ICE2: variants seen among roughly 807,000 people sequenced by gnomAD.
The protein encoded by ICE2 is interactor of little elongation complex ELL subunit 2, also known as little elongation complex subunit 2.
Under a neutral mutation model 105.4 loss-of-function variants are expected in ICE2, and 87 were observed. The observed-to-expected ratio is 0.83, with a 90% CI of 0.69 to 0.99. The LOEUF (loss-of-function observed/expected upper bound fraction) is 0.99, where lower values mean the gene tolerates loss of function less well. ICE2 is among the 50% of genes least tolerant of loss of function. The pLI, the probability that ICE2 is intolerant of heterozygous loss-of-function variation, is 0.00. For synonymous variants in ICE2, 399 were observed against 392.0 expected (o/e 1.02, Z -0.21); for missense variants, 1,323 against 1,146.7 (o/e 1.15, Z -2.22).
At chr15:60,444,540 A>G (rs2141043666) in intron 11 of ICE2, among the ~76,000 whole-genome samples, 1 of 152,330 alleles carries the variant, frequency 6.6e-6, no homozygotes, top group East Asian at 1.9e-4. Context: ...AATTTTTCAC[A>G]TAAAGCACTT....
intron 9 of ICE2, chr15:60,451,066 T>C (rs1185787055): frequency 1.6e-6 from 1 of 624,126 alleles, no homozygotes; most frequent in East Asian, 1.4e-4. Context: ...AAATGCTAGT[T>C]TGAAAAAAGA....
At chr15:60,432,961 C>T (rs745592488) in intron 13 of ICE2, among the ~76,000 whole-genome samples, 9 of 151,950 alleles carry the variant, frequency 5.9e-5, no homozygotes, top group Admixed American at 1.3e-4. Context: ...GCTAATATGC[C>T]GAAGAGTTTG....
intron 9 of ICE2, chr15:60,451,860 A>G: frequency 5.1e-6 from 1 of 194,648 alleles, no homozygotes; most frequent in Non-Finnish European, 9.4e-6. Context: ...TAATCCAAGG[A>G]AAAAATGACC....
chr15:60,456,078 G>A (rs1054806477), intron 6 of ICE2, among the ~76,000 whole-genome samples: 1 of 151,896 alleles, frequency 6.6e-6, no homozygotes, highest in African/African-American at 2.4e-5. Flanking sequence ...CTTTCTGCTT[G>A]TATTCAGGGG....
intron 5 of ICE2, among the ~76,000 whole-genome samples, chr15:60,461,283 A>C (rs929077472): frequency 6.6e-6 from 1 of 152,192 alleles, no homozygotes; most frequent in African/African-American, 2.4e-5. Flanking sequence ...AATACATCAC[A>C]AACTGGAAGA....
rs1484528229 is a variant in ICE2 at position 60,456,810 on chromosome 15, T to C, written c.529-16A>G. On this transcript the variant is annotated splice_polypyrimidine_tract_variant and intron_variant, in intron 5 of 15. Transcript: ENST00000261520. ...TTAAAATTTTCTGAGAAACAGAAATTAAGAAAAATTCATTTGTATTTCTCT... is the reference window on the plus strand; with the variant it reads ...TTAAAATTTTCTGAGAAACAGAAATCAAGAAAAATTCATTTGTATTTCTCT... 2.1e-6 allele frequency: 3 copies of C among 1,430,264 alleles called. No homozygotes were observed. The highest frequency in any genetic ancestry group is 2.9e-5 in the African/African-American group (2 of 68,376). The allele number at this position is 1,430,264 out of a possible 1,614,324, so 88.6% of individuals were successfully genotyped here.
At chr15:60,467,044 G>C (rs923947181) in intron 4 of ICE2, among the ~76,000 whole-genome samples, 3 of 152,126 alleles carry the variant, frequency 2.0e-5, no homozygotes, top group Non-Finnish European at 4.4e-5. Context: ...CTGGAGTGCA[G>C]TGGCACGATT....
At chr15:60,457,402 C>T (rs1471355332) in intron 5 of ICE2, among the ~76,000 whole-genome samples, 1 of 152,052 alleles carries the variant, frequency 6.6e-6, no homozygotes, top group African/African-American at 2.4e-5. Flanking sequence ...CAGAGATGCA[C>T]AGCTGTTGGG....
At chr15:60,434,688 T>C (rs1362786166) in intron 13 of ICE2, among the ~76,000 whole-genome samples, 1 of 152,108 alleles carries the variant, frequency 6.6e-6, no homozygotes, top group Non-Finnish European at 1.5e-5. Context: ...CTTTCAATCA[T>C]ATGTAGAAGC....
At position 60,476,121 on chromosome 15, in the gene ICE2, T is replaced by C; in HGVS notation, c.88A>G (p.Asn30Asp). 6.2e-7 allele frequency: 1 copy of C among 1,608,406 alleles called. No individual in the cohort carries two copies. Among genetic ancestry groups the C allele is most frequent in the Non-Finnish European group, 8.5e-7 (1 of 1,178,118 alleles). ...NGLKTFFSRE[N>D]YKDHSMAPSL... is the part of the protein sequence containing the mutation. The stretch of plus-strand genomic sequence containing the variant: ...GGAGCCATGGAATGATCTTTATAAT[T>C]TTCTCGAGAGAAAAATGTCTTAAGG... The change falls in exon 3 of 16, where the codon AAT becomes GAT. Residue 30 changes from asparagine (N) to aspartate (D), a missense_variant. By Grantham distance (23) the Asn-to-Asp change is conservative (BLOSUM62 1). Transcript: ENST00000261520.
At chr15:60,436,276 GA>G (rs377506035) in intron 12 of ICE2, 49 bp from the exon 13 acceptor site, 3,674 of 479,062 alleles carry the variant, frequency 7.7e-3, no homozygotes, top group South Asian at 0.015. Context: ...GCAGTATTTA[GA>G]AAAAAAAAAA....
intron 10 of ICE2, 135 bp downstream of exon 10, chr15:60,448,713 G>T: frequency 1.3e-6 from 1 of 772,350 alleles, no homozygotes; most frequent in Non-Finnish European, 2.0e-6. Context: ...CTGATCAATA[G>T]ATCGAAAAAA....
chr15:60,427,096 A>G (rs116790532), intron 15 of ICE2, among the ~76,000 whole-genome samples: 2 of 152,222 alleles, frequency 1.3e-5, no homozygotes, highest in Non-Finnish European at 2.9e-5. Context: ...TTCTAAAAGG[A>G]TACTCCCAAA....
In ICE2 at chr15:60,449,008, A is replaced by T; in HGVS notation, c.1959T>A (p.Asp653Glu). ...DPVGEILKMQ[D>E]ELLKPISRKV... ...TTCTGGAAATTGGCTTTAAGAGCTC[A>T]TCCTGCATTTTTAAAATCTCTCCAA... Residue 653 changes from aspartate (D) to glutamate (E), a missense_variant, in exon 10 of 16, where the codon GAT (aspartate) becomes GAA (glutamate). Coordinates refer to ENST00000261520, the MANE Select transcript of ICE2 (RefSeq NM_024611.6). 1 of 1,613,836 alleles carries T rather than the reference A, an allele frequency of 6.2e-7. No individual in the cohort carries two copies. Among genetic ancestry groups the T allele is most frequent in the Non-Finnish European group, 8.5e-7 (1 of 1,179,950 alleles).
chr15:60,431,599 C>T (rs928494608), intron 14 of ICE2, among the ~76,000 whole-genome samples: 2 of 152,086 alleles, frequency 1.3e-5, no homozygotes, highest in Non-Finnish European at 2.9e-5. Flanking sequence ...TTGACTTTTA[C>T]CCGGTAAAAC....
intron 8 of ICE2, 95 bp downstream of exon 8, chr15:60,454,908 A>G (rs1014840544): frequency 8.8e-7 from 1 of 1,136,272 alleles, no homozygotes; most frequent in Non-Finnish European, 1.2e-6. Flanking sequence ...CTCTGGGTCC[A>G]TGTGTTCTCA....
At position 60,455,717 on chromosome 15, in the gene ICE2, G is replaced by A. The variant is rs577458335; in HGVS notation, c.667-275C>T. 5.9e-5 allele frequency among the ~76,000 whole-genome samples: 9 copies of A among 151,740 alleles called. No individual in the cohort carries two copies. In the East Asian group the frequency reaches 1.7e-3, roughly 29 times the overall value. On this transcript the variant is annotated intron_variant, in intron 6 of 15. Transcript: ENST00000261520. ...ACTGCAACCTCTGCCTCCTGGGTTC[G>A]AGCAATTCTCTCACTTCAGCCTCAC...
At chr15:60,454,974 A>G (rs987699336) in intron 8 of ICE2, 29 bp downstream of exon 8, 1 of 1,515,326 alleles carries the variant, frequency 6.6e-7, no homozygotes, top group Non-Finnish European at 8.8e-7. Context: ...CTTTTTTGAG[A>G]GCATTATTTG....
intron 11 of ICE2, among the ~76,000 whole-genome samples, chr15:60,444,316 C>T (rs895967778): frequency 6.6e-6 from 1 of 152,036 alleles, no homozygotes; most frequent in African/African-American, 2.4e-5. Flanking sequence ...ATCTATAAAA[C>T]CAAGTCCTAA....
Sources: gnomAD v4.1 joint callset for allele counts (sites outside exome capture counted in the v4.1 genomes callset) on GRCh38, gnomAD v4.1.1 for gene constraint, MANE v1.5 for transcripts, NCBI Gene and HGNC (gene_info 2026-07-23, HGNC 2026-07-21) for gene names.